The following ESRRB variants were observed in gnomAD, a reference collection of about 807,000 sequenced individuals.
The protein encoded by ESRRB is steroid hormone receptor ERR2.
In ESRRB, 16 loss-of-function variants were observed where a neutral mutation model predicts 46.0. The ratio of observed to expected loss-of-function variants is 0.35; its 90% confidence interval spans 0.24 to 0.53. The LOEUF (loss-of-function observed/expected upper bound fraction) is 0.53. Ranked by LOEUF, ESRRB falls within the 20% of genes least tolerant of loss-of-function variation. The pLI, the probability that ESRRB is intolerant of heterozygous loss-of-function variation, is 0.93. For synonymous variants in ESRRB, 246 were observed against 259.6 expected (o/e 0.95, Z 0.50); for missense variants, 488 against 607.4 (o/e 0.80, Z 2.07).
upstream of ESRRB, among the ~76,000 whole-genome samples, chr14:76,373,188 T>TG: frequency 6.6e-6 from 1 of 152,214 alleles, no homozygotes; most frequent in Non-Finnish European, 1.5e-5. Flanking sequence ...GGGGTACTAG[T>TG]ACTGGGGTGG....
chr14:76,458,425 GACACACACACACAC>G (rs58562150), intron 2 of ESRRB, among the ~76,000 whole-genome samples: 106 of 134,936 alleles, frequency 7.9e-4, no homozygotes, highest in African/African-American at 2.5e-3. Context: ...CTCTCTCTCT[GACACACACACACAC>G]ACACACACAC....
chr14:76,311,099 G>A (rs928981425), intron 1 of ESRRB, among the ~76,000 whole-genome samples: 1 of 151,758 alleles, frequency 6.6e-6, no homozygotes, highest in African/African-American at 2.4e-5. Context: ...GTGGCCGAGA[G>A]GAAAACGTTG....
intron 2 of ESRRB, among the ~76,000 whole-genome samples, chr14:76,460,061 T>C (rs1888787433): frequency 1.3e-5 from 2 of 152,206 alleles, no homozygotes; most frequent in South Asian, 2.1e-4. Flanking sequence ...GTTAGGCACA[T>C]TGAGTAATTT....
intron 1 of ESRRB, among the ~76,000 whole-genome samples, chr14:76,392,975 C>G (rs552094517): frequency 4.8e-4 from 73 of 152,276 alleles, no homozygotes; most frequent in African/African-American, 1.7e-3. Flanking sequence ...TGTGGCCAGC[C>G]CTGGGAGGGC....
chr14:76,485,233 A>ATTTTTTT (rs34504939), intron 5 of ESRRB, among the ~76,000 whole-genome samples: 20 of 91,858 alleles, frequency 2.2e-4, no homozygotes, highest in Admixed American at 4.1e-4. Context: ...CAAATGCCTG[A>ATTTTTTT]TTTTTTTTTT....
intron 3 of ESRRB, chr14:76,463,138 T>A (rs2139992767): frequency 4.5e-6 from 1 of 221,180 alleles, no homozygotes; most frequent in Middle Eastern, 1.7e-3. Context: ...GGAATGCTGC[T>A]CCCTTCCTTG....
At chr14:76,450,036 G>T (rs911259942) in intron 2 of ESRRB, among the ~76,000 whole-genome samples, 1 of 152,054 alleles carries the variant, frequency 6.6e-6, no homozygotes, top group Non-Finnish European at 1.5e-5. Flanking sequence ...TGCATTGTAG[G>T]GGGAAAGCTG....
intron 1 of ESRRB, among the ~76,000 whole-genome samples, chr14:76,332,201 C>T (rs1032935644): frequency 5.7e-4 from 86 of 151,720 alleles, no homozygotes; most frequent in African/African-American, 1.9e-3. Flanking sequence ...TCCATCCACC[C>T]GAGGGACCTG....
intron 1 of ESRRB, among the ~76,000 whole-genome samples, chr14:76,432,757 C>T (rs970354112): frequency 1.0e-4 from 14 of 134,614 alleles, no homozygotes; most frequent in Non-Finnish European, 4.7e-5. Context: ...CTCACTGCAA[C>T]CTCCGCCTCC....
chr14:76,420,345 C>T (rs1221863770), intron 1 of ESRRB, among the ~76,000 whole-genome samples: 2 of 152,162 alleles, frequency 1.3e-5, no homozygotes, highest in Non-Finnish European at 2.9e-5. Flanking sequence ...GTGGCTGTCT[C>T]TAGGACACAC....
intron 3 of ESRRB, among the ~76,000 whole-genome samples, chr14:76,477,996 G>A (rs2140022991): frequency 6.6e-6 from 1 of 152,106 alleles, no homozygotes; most frequent in African/African-American, 2.4e-5. Context: ...GGTTAAGTAG[G>A]GTAATACATA....
chr14:76,491,407 C>CCTGACCTG, intron 5 of ESRRB, 40 bp from the exon 6 acceptor site: 1 of 1,602,818 alleles, frequency 6.2e-7, no homozygotes, highest in African/African-American at 1.3e-5. Flanking sequence ...GGTCCGCCCT[C>CCTGACCTG]CTGACCTGCT....
At chr14:76,459,425 G>A (rs1461504852) in intron 2 of ESRRB, among the ~76,000 whole-genome samples, 1 of 152,172 alleles carries the variant, frequency 6.6e-6, no homozygotes, top group Non-Finnish European at 1.5e-5. Context: ...GAAACAGAGG[G>A]TGGAGGGAGC....
chr14:76,321,092 G>A (rs532561513), intron 1 of ESRRB, among the ~76,000 whole-genome samples: 3 of 152,170 alleles, frequency 2.0e-5, no homozygotes, highest in African/African-American at 7.2e-5. Context: ...ATTGCTGTGC[G>A]ACAATTCTTT....
intron 1 of ESRRB, among the ~76,000 whole-genome samples, chr14:76,390,222 CTCACGCCTGTAA>C (rs1885410390): frequency 6.6e-6 from 1 of 152,218 alleles, no homozygotes; most frequent in Non-Finnish European, 1.5e-5. Flanking sequence ...AGTGCGGTGG[CTCACGCCTGTAA>C]TCCCAGCACT....
At chr14:76,401,210 T>C (rs1266506570) in intron 1 of ESRRB, among the ~76,000 whole-genome samples, 1 of 152,226 alleles carries the variant, frequency 6.6e-6, no homozygotes, top group African/African-American at 2.4e-5. Context: ...AGAGTGAGCC[T>C]TCCAAATCCC....
chr14:76,396,043 C>T (rs1253292769), intron 1 of ESRRB, among the ~76,000 whole-genome samples: 4 of 152,006 alleles, frequency 2.6e-5, no homozygotes, highest in Non-Finnish European at 5.9e-5. Context: ...CATGGTGGTG[C>T]GTGCCTGTAG....
chr14:76,402,585 G>T (rs563786959), intron 1 of ESRRB, among the ~76,000 whole-genome samples: 1 of 152,326 alleles, frequency 6.6e-6, no homozygotes, highest in African/African-American at 2.4e-5. Flanking sequence ...CAAGAAAGCG[G>T]TCTGTCCATG....
chr14:76,499,483 G>A lies in ESRRB; in HGVS notation c.*1025G>A, dbSNP rs1033432380. ...CCGAGCAGCTGAGATAAGTAGGCAG[G>A]GGAGCCCCAAAGGGAGGGAACTCAG... is the stretch of plus-strand genomic sequence containing the variant. On this transcript the variant is annotated 3_prime_UTR_variant, in exon 7 of 7. Coordinates refer to ENST00000644823, the MANE Select transcript of ESRRB (RefSeq NM_001379180.1). 3.0e-5 allele frequency: 11 copies of A among 368,056 alleles called. No individual in the cohort carries two copies. The East Asian group carries it at 4.0e-4, about 13-fold the overall frequency. 22.8% of individuals were successfully genotyped at this position (368,056 alleles called of 1,614,324 possible). A position where few individuals can be genotyped will look rare whatever the true frequency, so the allele number is the denominator to read the frequency against.
Sources: allele counts gnomAD v4.1 joint callset (sites outside exome capture counted in the v4.1 genomes callset), GRCh38; gene constraint gnomAD v4.1.1; transcripts MANE v1.5; gene names NCBI Gene and HGNC (gene_info 2026-07-23, HGNC 2026-07-21).